The following GCA variants were observed in gnomAD, a reference collection of about 807,000 sequenced individuals.
GCA encodes the protein grancalcin, EF-hand calcium-binding protein.
GCA carries 30 observed loss-of-function variants against 32.6 expected under a neutral mutation model. The observed-to-expected ratio is 0.92, with a 90% CI of 0.69 to 1.25. GCA has a LOEUF of 1.25. Among genes scored for constraint, GCA ranks in the 50% most tolerant of loss-of-function variants. The pLI, the probability that GCA is intolerant of heterozygous loss-of-function variation, is 0.00. For synonymous variants in GCA, 102 were observed against 84.6 expected (o/e 1.21, Z -1.13); for missense variants, 291 against 266.8 (o/e 1.09, Z -0.63).
upstream of GCA, among the ~76,000 whole-genome samples, chr2:162,341,276 TA>T (rs1433622790): frequency 8.3e-6 from 1 of 121,098 alleles, no homozygotes; most frequent in Non-Finnish European, 1.6e-5. Context: ...TTTATATATA[TA>T]TATATATATA....
At position 162,360,312 on chromosome 2, in the gene GCA, T is replaced by G; in HGVS notation, c.*69T>G. ...GTTTGGAAGAAGTGAACTGGACTAC[T>G]TTAAAACTTTTAAGGGTTTTCTATG... is the stretch of plus-strand genomic sequence containing the variant. On this transcript the variant is annotated 3_prime_UTR_variant, in exon 8 of 8. Transcript: ENST00000437150. 6.5e-7 allele frequency: 1 copy of G among 1,544,466 alleles called. No individual in the cohort carries two copies. The highest frequency in any genetic ancestry group is 8.7e-7 in the Non-Finnish European group (1 of 1,148,924).
Position 162,348,835 on chromosome 2 carries a change from A to G in GCA, c.192+1093A>G, listed in dbSNP as rs537611988. Among the ~76,000 whole-genome samples, 6 of 152,232 alleles carry G rather than the reference A, an allele frequency of 3.9e-5. No individual in the cohort carries two copies. The South Asian group carries it at 1.2e-3, about 32-fold the overall frequency. ...ATTAAGCAAATAGGATATGTATTATACCCCTTTGTATCAGTTATTAGTTGT... is the reference window on the plus strand; with the variant it reads ...ATTAAGCAAATAGGATATGTATTATGCCCCTTTGTATCAGTTATTAGTTGT... On this transcript the variant is annotated intron_variant, in intron 2 of 7. Transcript: ENST00000437150.
intron 1 of GCA, among the ~76,000 whole-genome samples, chr2:162,332,332 T>TA (rs1684123930): frequency 6.9e-6 from 1 of 144,134 alleles, no homozygotes; most frequent in Non-Finnish European, 1.5e-5. Flanking sequence ...AATATATATA[T>TA]ATATATAATA....
At chr2:162,370,856 C>T (rs1231203432) in intron 4 of GCA, among the ~76,000 whole-genome samples, 1 of 152,034 alleles carries the variant, frequency 6.6e-6, no homozygotes, top group Non-Finnish European at 1.5e-5. Context: ...CTTGACCTCC[C>T]AAGCTCAACC....
At chr2:162,324,099 C>G (rs1296715078) in intron 1 of GCA, among the ~76,000 whole-genome samples, 1 of 152,022 alleles carries the variant, frequency 6.6e-6, no homozygotes. Context: ...ACGGCAGTGT[C>G]TAGGGGTGGA....
At chr2:162,363,667 A>T (rs192184644), downstream of GCA, among the ~76,000 whole-genome samples, 41 of 151,468 alleles carry the variant, frequency 2.7e-4, no homozygotes, top group African/African-American at 9.2e-4. Flanking sequence ...AATATTTCTG[A>T]CTCACTATCA....
rs934066170 is a variant in GCA, at chr2:162,362,517, G to A, written c.*2274G>A. 5.2e-6 allele frequency: 5 copies of A among 968,080 alleles called. No homozygotes were observed. Among genetic ancestry groups the A allele is most frequent in the African/African-American group, 3.5e-5 (2 of 56,808 alleles). 60.0% of individuals were successfully genotyped at this position (968,080 alleles called of 1,614,324 possible). A position where few individuals can be genotyped will look rare whatever the true frequency, so the allele number is the denominator to read the frequency against. On this transcript the variant is annotated 3_prime_UTR_variant, in exon 8 of 8. Transcript: ENST00000437150. ...TTAACTTACACCCCAGTTCTTTTACGATGATGTAAATTATTGAATAATGTA... is the reference window on the plus strand; with the variant it reads ...TTAACTTACACCCCAGTTCTTTTACAATGATGTAAATTATTGAATAATGTA...
At chr2:162,363,547 T>C (rs1435066648), downstream of GCA, among the ~76,000 whole-genome samples, 1 of 151,358 alleles carries the variant, frequency 6.6e-6, no homozygotes, top group East Asian at 1.9e-4. Flanking sequence ...CTCAGGTAAT[T>C]TGAAGTCTAG....
At chr2:162,338,511 G>A (rs997240346) in intron 1 of GCA, among the ~76,000 whole-genome samples, 2 of 152,092 alleles carry the variant, frequency 1.3e-5, no homozygotes, top group African/African-American at 2.4e-5. Flanking sequence ...CTTTGTGGGT[G>A]TATCAAACCC....
rs1685276648 is a variant in GCA at position 162,356,500 on chromosome 2, A to T, written c.306+19A>T. 2 of 1,442,968 alleles carry T rather than the reference A, an allele frequency of 1.4e-6. No individual in the cohort carries two copies. The highest frequency in any genetic ancestry group is 2.0e-6 in the Non-Finnish European group (2 of 1,025,334). 89.4% of individuals were successfully genotyped at this position (1,442,968 alleles called of 1,614,324 possible). A position where few individuals can be genotyped will look rare whatever the true frequency, so the allele number is the denominator to read the frequency against. ...GTTGGATGTATCCTTGAATAGAAATAGAAAATACTAGAATAAAGAGTAATT... is the reference window on the plus strand; with the variant it reads ...GTTGGATGTATCCTTGAATAGAAATTGAAAATACTAGAATAAAGAGTAATT... On this transcript the variant is annotated intron_variant, in intron 4 of 7. Coordinates refer to ENST00000437150, the MANE Select transcript of GCA (RefSeq NM_012198.5).
chr2:162,323,301 G>A (rs1576251107), intron 1 of GCA, among the ~76,000 whole-genome samples: 1 of 151,920 alleles, frequency 6.6e-6, no homozygotes, highest in East Asian at 1.9e-4. Context: ...GTAGATTCTG[G>A]ATATTAGCCC....
chr2:162,320,665 A>G (rs1683629972), intron 1 of GCA, among the ~76,000 whole-genome samples: 1 of 152,214 alleles, frequency 6.6e-6, no homozygotes, highest in South Asian at 2.1e-4. Context: ...TGGCATTCAA[A>G]TTATATCATT....
chr2:162,374,844 T>C (rs1457058942), downstream of GCA, among the ~76,000 whole-genome samples: 1 of 152,166 alleles, frequency 6.6e-6, no homozygotes, highest in Non-Finnish European at 1.5e-5. Context: ...AACCAATAGC[T>C]ATGAATGATA....
intron 1 of GCA, among the ~76,000 whole-genome samples, chr2:162,321,597 A>G (rs1683665759): frequency 6.6e-6 from 1 of 152,040 alleles, no homozygotes; most frequent in Admixed American, 6.6e-5. Flanking sequence ...ATGGTTAAGC[A>G]CAGAGACTCT....
downstream of GCA, chr2:162,371,891 T>G (rs573562870): frequency 6.2e-7 from 1 of 1,613,766 alleles, no homozygotes; most frequent in African/African-American, 1.3e-5. Flanking sequence ...CCTACAGTGC[T>G]TAGGGATGAA....
chr2:162,360,476 C>T lies in GCA; in HGVS notation c.*233C>T. On this transcript the variant is annotated 3_prime_UTR_variant, in exon 8 of 8. Transcript: ENST00000437150. Reference sequence around the variant, plus strand: ...TATTTTATAAATATGTGCATATTGTCATAAAATATTGTATGATTAATTGAT... The same window carrying T: ...TATTTTATAAATATGTGCATATTGTTATAAAATATTGTATGATTAATTGAT... The T allele has an allele frequency of 1.0e-6, 1 of 993,948 alleles. No homozygotes were observed. The allele number at this position is 993,948 out of a possible 1,614,324, so 61.6% of individuals were successfully genotyped here. A position where few individuals can be genotyped will look rare whatever the true frequency, so the allele number is the denominator to read the frequency against.
At chr2:162,332,373 T>G (rs1275355108) in intron 1 of GCA, among the ~76,000 whole-genome samples, 2 of 146,636 alleles carry the variant, frequency 1.4e-5, no homozygotes, top group Non-Finnish European at 3.0e-5. Context: ...ATATGATATA[T>G]AAATTATATA....
downstream of GCA, among the ~76,000 whole-genome samples, chr2:162,367,703 G>A (rs1461051651): frequency 6.6e-6 from 1 of 151,950 alleles, no homozygotes; most frequent in Admixed American, 6.6e-5. Context: ...TGTTGGAGAC[G>A]TTGCACATTG....
At position 162,361,761 on chromosome 2, in the gene GCA, A is replaced by G. The variant is rs1461798729; in HGVS notation, c.*1518A>G. The G allele has an allele frequency of 2.0e-6, 2 of 983,578 alleles. No homozygotes were observed. The highest frequency in any genetic ancestry group is 2.4e-6 in the Non-Finnish European group (2 of 828,610). The allele number at this position is 983,578 out of a possible 1,614,324, so 60.9% of individuals were successfully genotyped here. A position where few individuals can be genotyped will look rare whatever the true frequency, so the allele number is the denominator to read the frequency against. ...AACATATATTTGATAATGTGAGAGG[A>G]CATTAACTGAGCTGGGAAATTAAAG... is the stretch of plus-strand genomic sequence containing the variant. On this transcript the variant is annotated 3_prime_UTR_variant, in exon 8 of 8. Coordinates refer to ENST00000437150, the MANE Select transcript of GCA (RefSeq NM_012198.5).
Sources: allele counts gnomAD v4.1 joint callset (sites outside exome capture counted in the v4.1 genomes callset), GRCh38; gene constraint gnomAD v4.1.1; transcripts MANE v1.5; gene names NCBI Gene and HGNC (gene_info 2026-07-23, HGNC 2026-07-21).